The following KMT2D variants were observed in gnomAD, a reference collection of about 807,000 sequenced individuals.
KMT2D encodes lysine methyltransferase 2D.
Under a neutral mutation model 512.7 loss-of-function variants are expected in KMT2D, and 55 were observed. The observed-to-expected ratio is 0.11, with a 90% CI of 0.09 to 0.13. KMT2D has a LOEUF of 0.13. KMT2D is among the 10% of genes least tolerant of loss of function. The pLI is 1.00. For missense variants in KMT2D, 6,061 were observed against 7,127.9 expected (o/e 0.85, Z 5.39); for synonymous variants, 2,995 against 2,904.0 (o/e 1.03, Z -1.01).
Position 49,049,857 on chromosome 12 carries a change from A to G in KMT2D, c.3731T>C (p.Val1244Ala), listed in dbSNP as rs781689641. 24 of 1,612,922 alleles carry G rather than the reference A, an allele frequency of 1.5e-5. No individual in the cohort carries two copies. In the South Asian group the frequency reaches 2.6e-4, roughly 18 times the overall value. The stretch of plus-strand genomic sequence containing the variant: ...TCGGGCTGGACTAACATCCGTAGAG[A>G]CCCCCAACTCCATGGACAGGGAGCC... ...GGGSLSMELGVSTDVSPARDE... is the reference protein window; with the variant it reads ...GGGSLSMELGASTDVSPARDE... Residue 1244 changes from valine to alanine, a missense_variant, in exon 12 of 55, where the codon GTC becomes GCC. Transcript: ENST00000301067.
chr12:49,058,152 C>A (rs1227777146), intron 1 of KMT2D, among the ~76,000 whole-genome samples: 1 of 152,200 alleles, frequency 6.6e-6, no homozygotes, highest in African/African-American at 2.4e-5. Context: ...TTGGGTCACC[C>A]CTCCGAGATG....
Position 49,042,932 on chromosome 12 carries a change from C to T in KMT2D, c.5645-54G>A. 1.9e-6 allele frequency: 3 copies of T among 1,606,020 alleles called. No homozygotes were observed. Among genetic ancestry groups the T allele is most frequent in the Non-Finnish European group, 2.6e-6 (3 of 1,174,690 alleles). Reference sequence around the variant, plus strand: ...GAAGACTGGGAAGTTCAGGTGACACCACAGGTCTACAAATGATCATGGCCA... The same window carrying T: ...GAAGACTGGGAAGTTCAGGTGACACTACAGGTCTACAAATGATCATGGCCA... On this transcript the variant is annotated intron_variant, in intron 26 of 54. Coordinates refer to ENST00000301067, the MANE Select transcript of KMT2D (RefSeq NM_003482.4). This position sits in a 1 kb window ranked among gnomAD's most constrained non-coding sequence, Gnocchi z 4.4.
chr12:49,047,656 G>A (rs943403308), intron 15 of KMT2D, among the ~76,000 whole-genome samples: 1 of 151,824 alleles, frequency 6.6e-6, no homozygotes, highest in Non-Finnish European at 1.5e-5. Flanking sequence ...CTAATCTCAG[G>A]TGATCCACCC....
chr12:49,052,537 T>C (rs1025696587), intron 10 of KMT2D, 27 bp downstream of exon 10: 2 of 1,609,126 alleles, frequency 1.2e-6, no homozygotes, highest in Non-Finnish European at 1.7e-6. Flanking sequence ...AGGGGATGAA[T>C]TTCAGGGACC....
In KMT2D at chr12:49,041,959, C is replaced by T; in HGVS notation, c.6141G>A (p.Lys2047=). The T allele has an allele frequency of 6.2e-7, 1 of 1,611,480 alleles. No homozygotes were observed. The highest frequency in any genetic ancestry group is 8.5e-7 in the Non-Finnish European group (1 of 1,178,812). ...DWSSRCKQIM[K]LWRKVPAADK... Reference sequence around the variant, plus strand: ...CAGCTGCTGGAACCTTTCTCCAGAGCTTCATGATTTGTTTGCAACGGCTTG... The same window carrying T: ...CAGCTGCTGGAACCTTTCTCCAGAGTTTCATGATTTGTTTGCAACGGCTTG... The change falls in exon 30 of 55, where the codon AAG becomes AAA. Residue 2047 remains lysine, a synonymous_variant. Coordinates refer to ENST00000301067, the MANE Select transcript of KMT2D (RefSeq NM_003482.4). This position sits in a 1 kb window ranked among gnomAD's most constrained non-coding sequence, Gnocchi z 5.4.
Position 49,032,026 on chromosome 12 carries a change from T to C in KMT2D, c.12679A>G (p.Met4227Val), listed in dbSNP as rs907760287. The C allele has an allele frequency of 5.6e-6, 9 of 1,611,306 alleles. No homozygotes were observed. The highest frequency in any genetic ancestry group is 1.7e-5 in the Admixed American group (1 of 59,866). Residue 4227 changes from methionine (M) to valine (V), a missense_variant, in exon 40 of 55, where the codon ATG becomes GTG. Physicochemically the swap from Met to Val is conservative, Grantham distance 21. This residue lies in a region of KMT2D where 1,600 missense variants were observed against 1,754.9 expected (regional missense o/e 0.91). Transcript: ENST00000301067. ...QQQQQLQALLMQRQLQQSQAV... is the reference protein window; with the variant it reads ...QQQQQLQALLVQRQLQQSQAV... ...TGACTCTGCTGCAGCTGCCGCTGCA[T>C]GAGGAGTGCCTGTAGCTGCTGCTGC...
Position 49,041,687 on chromosome 12 carries a change from G to A in KMT2D, c.6202C>T (p.Arg2068Trp), listed in dbSNP as rs1317305838. The change falls in exon 31 of 55, where the codon CGG (arginine) becomes TGG (tryptophan). Residue 2068 changes from arginine to tryptophan, a missense_variant. Physicochemically the swap from Arg to Trp is moderately radical, Grantham distance 101 (BLOSUM62 -3). This residue lies in a region of KMT2D where 640 missense variants were observed against 814.3 expected (regional missense o/e 0.79). Transcript: ENST00000301067. This position sits in a 1 kb window ranked among gnomAD's most constrained non-coding sequence, Gnocchi z 5.4. ...ACCTTGTTGATGCGGTGAGCTGCCC[G>A]GTTATCTTTGGCCTTTTGCTGAGGG... Reference protein sequence around the residue: ...APYLQKAKDNRAAHRINKVQK... With the variant: ...APYLQKAKDNWAAHRINKVQK... The A allele has an allele frequency of 2.5e-6, 4 of 1,611,924 alleles. No homozygotes were observed. Among genetic ancestry groups the A allele is most frequent in the Non-Finnish European group, 2.5e-6 (3 of 1,178,876 alleles).
chr12:49,025,003 G>T lies in KMT2D; in HGVS notation c.15785-57C>A, dbSNP rs547891420. On this transcript the variant is annotated intron_variant, in intron 49 of 54. Transcript: ENST00000301067. ...GGCAACTTCTGCTCACTGACCTCCAGTCCCTAACCCCAATCCAGAACTGCA... is the reference window on the plus strand; with the variant it reads ...GGCAACTTCTGCTCACTGACCTCCATTCCCTAACCCCAATCCAGAACTGCA... 9 of 1,549,672 alleles carry T rather than the reference G, an allele frequency of 5.8e-6. No homozygotes were observed. The African/African-American group carries it at 6.8e-5, about 12-fold the overall frequency.
chr12:49,054,943 T>C lies in KMT2D; in HGVS notation c.133A>G (p.Ser45Gly), dbSNP rs760258777. The C allele has an allele frequency of 1.2e-6, 2 of 1,614,012 alleles. No homozygotes were observed. Among genetic ancestry groups the C allele is most frequent in the Admixed American group, 3.3e-5 (2 of 60,024 alleles). Residue 45 changes from serine to glycine, a missense_variant, in exon 3 of 55, where the codon AGT becomes GGT. Coordinates refer to ENST00000301067, the MANE Select transcript of KMT2D (RefSeq NM_003482.4). This position sits in a 1 kb window ranked among gnomAD's most constrained non-coding sequence, Gnocchi z 6.4. ...TCCTGAAGCCTGGGACTCCCAGAAC[T>C]AAGGACAGAGACCTCTCCCACATGT... is the stretch of plus-strand genomic sequence containing the variant. ...NPHVGEVSVL[S>G]SGSPRLQETP...
Position 49,059,990 on chromosome 12 carries a change from G to A in KMT2D, c.-415C>T, listed in dbSNP as rs1938645052. Among the ~76,000 whole-genome samples, 1 of 151,522 alleles carries A rather than the reference G, an allele frequency of 6.6e-6. No individual in the cohort carries two copies. Among genetic ancestry groups the A allele is most frequent in the African/African-American group, 2.4e-5 (1 of 41,294 alleles). On this transcript the variant is annotated 5_prime_UTR_variant, in exon 1 of 55. Coordinates refer to ENST00000301067, the MANE Select transcript of KMT2D (RefSeq NM_003482.4). ...CCCCGGCCGCCCGCGCCGGGCTCGG[G>A]CGGAACGTCGAGGCTCTCCAGATGG...
In KMT2D at chr12:49,059,865, C is replaced by A; in HGVS notation, c.-290G>T. Reference sequence around the variant, plus strand: ...TGGACAGCCCCAGGGCGGCGAATCCCGAGCGGACACAAAGAGAGCACCGGT... The same window carrying A: ...TGGACAGCCCCAGGGCGGCGAATCCAGAGCGGACACAAAGAGAGCACCGGT... On this transcript the variant is annotated 5_prime_UTR_variant, in exon 1 of 55. Transcript: ENST00000301067. The A allele has an allele frequency of 6.6e-6, 1 of 152,322 alleles. No individual in the cohort carries two copies. 9.4% of individuals were successfully genotyped at this position (152,322 alleles called of 1,614,324 possible).
At position 49,039,562 on chromosome 12, in the gene KMT2D, C is replaced by T. The variant is rs1943386777; in HGVS notation, c.8102G>A (p.Arg2701Gln). The part of the protein sequence containing the change: ...IRQQIQRNTL[R>Q]QEKETAAAAA... ...TGCTGCAGCTGTTTCCTTCTCCTGC[C>T]GCAGGGTGTTGCGCTGGATCTGCTG... The change falls in exon 33 of 55, where the codon CGG (arginine) becomes CAG (glutamine). Residue 2701 changes from arginine (R) to glutamine (Q), a missense_variant. By Grantham distance (43) the Arg-to-Gln change is conservative. Coordinates refer to ENST00000301067, the MANE Select transcript of KMT2D (RefSeq NM_003482.4). This position sits in a 1 kb window ranked among gnomAD's most constrained non-coding sequence, Gnocchi z 5.0. 6.2e-7 allele frequency: 1 copy of T among 1,612,010 alleles called. No homozygotes were observed. The highest frequency in any genetic ancestry group is 1.1e-5 in the South Asian group (1 of 90,982).
chr12:49,041,335 C>T lies in KMT2D; in HGVS notation c.6435G>A (p.Pro2145=), dbSNP rs374077422. 54 of 1,544,606 alleles carry T rather than the reference C, an allele frequency of 3.5e-5. No homozygotes were observed. Among genetic ancestry groups the T allele is most frequent in the South Asian group, 3.2e-4 (26 of 80,194 alleles). Residue 2145 remains proline (P), a synonymous_variant, in exon 32 of 55, where the codon CCG becomes CCA. Coordinates refer to ENST00000301067, the MANE Select transcript of KMT2D (RefSeq NM_003482.4). The surrounding 1 kb of genome is among the most constrained non-coding windows in gnomAD (Gnocchi z 5.4). ...CAGGGCCAGGCACCGAGCCCGCCGG[C>T]GGCTTCAGGAACCCGTCCGCAGAGG... ...LSTSADGFLK[P]PAGSVPGPDS... is the part of the protein sequence containing the mutation.
At position 49,048,723 on chromosome 12, in the gene KMT2D, T is replaced by C. The variant is rs1937712142; in HGVS notation, c.4067A>G (p.Asp1356Gly). Residue 1356 changes from aspartate to glycine, a missense_variant, in exon 14 of 55, where the codon GAT (aspartate) becomes GGT (glycine). Coordinates refer to ENST00000301067, the MANE Select transcript of KMT2D (RefSeq NM_003482.4). The stretch of plus-strand genomic sequence containing the variant: ...CACGGTATTCTGCATGGTGTCATCA[T>C]CTTCTTCCTCCTCCTCCTTACTGGG... ...SSPSKEEEEE[D>G]DDTMQNTVVL... The C allele has an allele frequency of 2.5e-6, 4 of 1,613,114 alleles. No individual in the cohort carries two copies. The highest frequency in any genetic ancestry group is 4.5e-5 in the East Asian group (2 of 44,872).
chr12:49,034,320 T>A (rs2120455702), intron 38 of KMT2D, 21 bp from the exon 39 acceptor site: 1 of 1,610,882 alleles, frequency 6.2e-7, no homozygotes, highest in Middle Eastern at 1.7e-4. Flanking sequence ...AAGCTGGGTG[T>A]CAGGACCTGC....
At position 49,049,913 on chromosome 12, in the gene KMT2D, G is replaced by A. The variant is rs1425343764; in HGVS notation, c.3675C>T (p.Pro1225=). The A allele has an allele frequency of 6.2e-7, 1 of 1,613,828 alleles. No individual in the cohort carries two copies. Among genetic ancestry groups the A allele is most frequent in the Non-Finnish European group, 8.5e-7 (1 of 1,179,906 alleles). The change falls in exon 12 of 55, where the codon CCC becomes CCT. Residue 1225 remains proline (P), a synonymous_variant. Transcript: ENST00000301067. ...CCTCCGGGTCTGGAGAGCCCAGGAG[G>A]GGCTCTGAGCCAGGAAAACTGGCAC... ...DASASFPGSE[P]LLGSPDPEGG...
rs1565825229 is a variant in KMT2D at position 49,054,701 on chromosome 12, A to C, written c.227T>G (p.Leu76Arg). The change falls in exon 4 of 55, where the codon CTA (leucine) becomes CGA (arginine). Residue 76 changes from leucine (L) to arginine (R), a missense_variant. Physicochemically the swap from Leu to Arg is moderately radical, Grantham distance 102. Around this residue, in one of 16 missense-constraint regions of KMT2D, gnomAD observed 144 missense variants for 165.7 expected, o/e 0.87. Transcript: ENST00000301067. This position sits in a 1 kb window ranked among gnomAD's most constrained non-coding sequence, Gnocchi z 6.4. The part of the protein sequence containing the change: ...CALCNCGEPS[L>R]HGQRELRRFE... ...GCGCCGTAGCTCCCGCTGCCCGTGTAGACTGGGCTCCCCGCAGTTACAGAG... is the reference window on the plus strand; with the variant it reads ...GCGCCGTAGCTCCCGCTGCCCGTGTCGACTGGGCTCCCCGCAGTTACAGAG... The C allele has an allele frequency of 1.2e-6, 2 of 1,613,454 alleles. No individual in the cohort carries two copies. Among genetic ancestry groups the C allele is most frequent in the Non-Finnish European group, 1.7e-6 (2 of 1,179,606 alleles).
Position 49,044,606 on chromosome 12 carries a change from AT to A in KMT2D, c.4964-85del. ...GTCATCCTGCCACTGAGAGAGCTGA[AT>A]ACCTTGCCTCAGAGCCACTTAGACG... On this transcript the variant is annotated intron_variant, in intron 20 of 54. Coordinates refer to ENST00000301067, the MANE Select transcript of KMT2D (RefSeq NM_003482.4). The surrounding 1 kb of genome is among the most constrained non-coding windows in gnomAD (Gnocchi z 6.4). The A allele has an allele frequency of 1.3e-6, 2 of 1,576,370 alleles. No homozygotes were observed. The highest frequency in any genetic ancestry group is 1.7e-6 in the Non-Finnish European group (2 of 1,159,244).
intron 51 of KMT2D, among the ~76,000 whole-genome samples, chr12:49,023,411 CG>C (rs965231654): frequency 6.6e-6 from 1 of 152,168 alleles, no homozygotes; most frequent in Non-Finnish European, 1.5e-5. Flanking sequence ...ATCCTTTCTT[CG>C]GACTGTCCCC....
Sources: allele counts gnomAD v4.1 joint callset (sites outside exome capture counted in the v4.1 genomes callset), GRCh38; gene constraint gnomAD v4.1.1; regional missense constraint gnomAD v4.1.1; non-coding constraint Gnocchi (gnomAD v3.1); transcripts MANE v1.5; gene names NCBI Gene and HGNC (gene_info 2026-07-23, HGNC 2026-07-21).